The following BPNT1 variants were observed in gnomAD, a reference collection of about 807,000 sequenced individuals.
BPNT1 encodes 3'(2'), 5'-bisphosphate nucleotidase 1.
A neutral mutation model predicts 36.9 loss-of-function variants in BPNT1; 28 were observed. That is an observed-to-expected ratio of 0.76 (90% confidence interval 0.56 to 1.04). BPNT1 has a LOEUF of 1.04. Among genes scored for constraint, BPNT1 ranks in the 50% least tolerant of loss-of-function variants. The probability of loss-of-function intolerance (pLI) is 0.00; values close to 1 mark genes in which losing one functional copy is unlikely to be tolerated. For synonymous variants in BPNT1, 119 were observed against 130.9 expected, an observed-to-expected ratio of 0.91 and a Z score of 0.62; for missense variants, 313 against 372.9, an observed-to-expected ratio of 0.84 and a Z score of 1.32.
chr1:220,081,407 G>T (rs781715223), intron 1 of BPNT1, among the ~76,000 whole-genome samples: 1 of 152,118 alleles, frequency 6.6e-6, no homozygotes, highest in African/African-American at 2.4e-5. Flanking sequence ...GCTGGGCATG[G>T]TGTTGCACAC....
In BPNT1 at chr1:220,079,745, G is replaced by A; in HGVS notation, c.102C>T (p.Asp34=). Residue 34 remains aspartate (D), a synonymous_variant, in exon 2 of 9, where the codon GAC becomes GAT. Coordinates refer to ENST00000322067, the MANE Select transcript of BPNT1 (RefSeq NM_006085.6). ...TGAGTACCTTCTCCACAATACCCAG[G>A]TCTCCTTCAGCAATAACACGTCTGA... is the stretch of plus-strand genomic sequence containing the variant. ...MIVRRVIAEG[D]LGIVEKTCAT... is the part of the protein sequence containing the mutation. 1.2e-6 allele frequency: 2 copies of A among 1,614,032 alleles called. No homozygotes were observed. The highest frequency in any genetic ancestry group is 2.2e-5 in the East Asian group (1 of 44,860).
chr1:220,072,769 A>C, intron 4 of BPNT1, 81 bp downstream of exon 4: 1 of 1,176,256 alleles, frequency 8.5e-7, no homozygotes, highest in Non-Finnish European at 1.3e-6. Flanking sequence ...CCAATTTTTC[A>C]TCTTACATGC....
chr1:220,063,004 G>A (rs746966907), intron 6 of BPNT1, 50 bp from the exon 7 acceptor site: 15 of 1,561,400 alleles, frequency 9.6e-6, no homozygotes, highest in East Asian at 2.2e-5. Flanking sequence ...GGAGAAGAAC[G>A]TTAGCCCATA....
At chr1:220,075,341 C>T (rs1664452122) in intron 2 of BPNT1, among the ~76,000 whole-genome samples, 2 of 152,138 alleles carry the variant, frequency 1.3e-5, no homozygotes, top group African/African-American at 2.4e-5. Flanking sequence ...TGCACCCAGC[C>T]TCATCTTAGT....
At chr1:220,085,243 A>G (rs1244757540) in intron 1 of BPNT1, among the ~76,000 whole-genome samples, 2 of 152,248 alleles carry the variant, frequency 1.3e-5, no homozygotes, top group Non-Finnish European at 1.5e-5. Flanking sequence ...AGGCAAGTTA[A>G]CTTTCTTAAA....
At chr1:220,082,194 A>T (rs983174979) in intron 1 of BPNT1, among the ~76,000 whole-genome samples, 1 of 145,566 alleles carries the variant, frequency 6.9e-6, no homozygotes, top group Non-Finnish European at 1.5e-5. Flanking sequence ...ATATATATAT[A>T]TTTTGAGACA....
intron 6 of BPNT1, among the ~76,000 whole-genome samples, chr1:220,064,317 G>T (rs1348317928): frequency 6.6e-6 from 1 of 152,184 alleles, no homozygotes; most frequent in Non-Finnish European, 1.5e-5. Context: ...CCTGGGTGTT[G>T]TTATTGTGAA....
chr1:220,080,945 A>G (rs760540160), intron 1 of BPNT1, among the ~76,000 whole-genome samples: 32 of 152,254 alleles, frequency 2.1e-4, no homozygotes, highest in Non-Finnish European at 2.9e-4. Flanking sequence ...CGGAAAAAAC[A>G]GCCTTTAGAA....
At position 220,067,291 on chromosome 1, in the gene BPNT1, T is replaced by C; in HGVS notation, c.474+11A>G. ...TCTAATGAAATTACTTTGTATCATT[T>C]ATAGTAATACCTCATAGTTGTAATA... On this transcript the variant is annotated intron_variant, in intron 6 of 8. Transcript: ENST00000322067. The C allele has an allele frequency of 6.6e-7, 1 of 1,520,082 alleles. No individual in the cohort carries two copies. Among genetic ancestry groups the C allele is most frequent in the Non-Finnish European group, 9.1e-7 (1 of 1,104,120 alleles). The allele number at this position is 1,520,082 out of a possible 1,614,324, so 94.2% of individuals were successfully genotyped here.
Position 220,058,963 on chromosome 1 carries a change from G to A in BPNT1, c.808C>T (p.Leu270Phe). The A allele has an allele frequency of 6.2e-7, 1 of 1,613,682 alleles. No individual in the cohort carries two copies. The highest frequency in any genetic ancestry group is 8.5e-7 in the Non-Finnish European group (1 of 1,179,692). The change falls in exon 9 of 9, where the codon CTT becomes TTT. Residue 270 changes from leucine (L) to phenylalanine (F), a missense_variant. Coordinates refer to ENST00000322067, the MANE Select transcript of BPNT1 (RefSeq NM_006085.6). ...GKLTDIHGNV[L>F]QYHKDVKHMN... The stretch of plus-strand genomic sequence containing the variant: ...TGCTTCACATCCTTGTGGTACTGAA[G>A]AACATTCCCATGGATATCGGTTAAC...
Position 220,078,745 on chromosome 1 carries a change from G to A in BPNT1, c.120+982C>T, listed in dbSNP as rs1362027034. Among the ~76,000 whole-genome samples the A allele has an allele frequency of 4.6e-5, 7 of 151,548 alleles. No homozygotes were observed. In the Admixed American group the frequency reaches 4.6e-4, roughly 10 times the overall value. On this transcript the variant is annotated intron_variant, in intron 2 of 8. Transcript: ENST00000322067. Reference sequence around the variant, plus strand: ...CCTGAGTAGCTGTGAGTATAGGTGTGCACCACCATGCCCAGCTAATTTTTG... The same window carrying A: ...CCTGAGTAGCTGTGAGTATAGGTGTACACCACCATGCCCAGCTAATTTTTG...
intron 4 of BPNT1, 102 bp downstream of exon 4, chr1:220,072,748 T>C (rs2102693849): frequency 2.1e-6 from 2 of 939,462 alleles, no homozygotes; most frequent in East Asian, 5.0e-5. Context: ...GTTGCCCCTA[T>C]TTTATAACTA....
At position 220,062,761 on chromosome 1, in the gene BPNT1, T is replaced by C. The variant is rs772845740; in HGVS notation, c.668A>G (p.Asn223Ser). The C allele has an allele frequency of 1.2e-6, 2 of 1,614,044 alleles. No homozygotes were observed. ...DAVLRVGGAG[N>S]KIIQLIEGKA... is the part of the protein sequence containing the mutation. The stretch of plus-strand genomic sequence containing the variant: ...GATGACAGACATTTTTCATACCTTA[T>C]TTCCTGCTCCTCCTACTCGCAGCAC... The change falls in exon 7 of 9, where the codon AAT becomes AGT. Residue 223 changes from asparagine to serine, a missense_variant. Coordinates refer to ENST00000322067, the MANE Select transcript of BPNT1 (RefSeq NM_006085.6).
At chr1:220,060,549 G>A (rs973035756) in intron 7 of BPNT1, among the ~76,000 whole-genome samples, 50 of 152,114 alleles carry the variant, frequency 3.3e-4, no homozygotes, top group African/African-American at 1.2e-3. Flanking sequence ...GTATCAAGCA[G>A]TACCATAATG....
chr1:220,088,783 C>A (rs1313640247), intron 1 of BPNT1, among the ~76,000 whole-genome samples: 2 of 145,596 alleles, frequency 1.4e-5, no homozygotes, highest in Non-Finnish European at 1.5e-5. Context: ...GAGCTAGAAC[C>A]TGTCTTAAAA....
chr1:220,074,589 G>A (rs1384641093), intron 2 of BPNT1, among the ~76,000 whole-genome samples: 2 of 151,712 alleles, frequency 1.3e-5, no homozygotes, highest in African/African-American at 4.8e-5. Context: ...TCTGCCTCCT[G>A]GGTTCAAGCA....
At chr1:220,070,966 C>T (rs1186173626) in intron 4 of BPNT1, among the ~76,000 whole-genome samples, 2 of 150,898 alleles carry the variant, frequency 1.3e-5, no homozygotes, top group African/African-American at 2.4e-5. Context: ...GGAGAATCCC[C>T]GTCTCTTCTA....
At chr1:220,062,705 T>C in intron 7 of BPNT1, 52 bp downstream of exon 7, 2 of 1,576,524 alleles carry the variant, frequency 1.3e-6, no homozygotes, top group Admixed American at 1.7e-5. Context: ...AGAAGTTGAG[T>C]ATTTCAATGA....
chr1:220,082,063 A>AATATATATAT (rs369837553), intron 1 of BPNT1, among the ~76,000 whole-genome samples: 4 of 110,400 alleles, frequency 3.6e-5, no homozygotes, highest in African/African-American at 1.1e-4. Flanking sequence ...TTCCAAGGAC[A>AATATATATAT]ATATATATAT....
Sources: gnomAD v4.1 joint callset for allele counts (sites outside exome capture counted in the v4.1 genomes callset) on GRCh38, gnomAD v4.1.1 for gene constraint, MANE v1.5 for transcripts, NCBI Gene and HGNC (gene_info 2026-07-23, HGNC 2026-07-21) for gene names.